Variants in PCDHGA1 observed in about 807,000 individuals in gnomAD.
PCDHGA1 encodes the protein protocadherin gamma subfamily A, 1, also known as protocadherin gamma-A1.
Under a neutral mutation model 58.0 loss-of-function variants are expected in PCDHGA1, and 32 were observed. The observed-to-expected ratio is 0.55, with a 90% CI of 0.42 to 0.74. The LOEUF is 0.74. PCDHGA1 is among the 30% of genes least tolerant of loss of function. The pLI, the probability that PCDHGA1 is intolerant of heterozygous loss-of-function variation, is 0.00. For synonymous variants in PCDHGA1, 498 were observed against 501.1 expected, an observed-to-expected ratio of 0.99 and a Z score of 0.08; for missense variants, 1,205 against 1,182.3, an observed-to-expected ratio of 1.02 and a Z score of -0.28.
At chr5:141,482,876 AGCCTG>A (rs2099574018) in intron 1 of PCDHGA1, among the ~76,000 whole-genome samples, 1 of 152,142 alleles carries the variant, frequency 6.6e-6, no homozygotes, top group Admixed American at 6.5e-5. Flanking sequence ...GTTTGAAACC[AGCCTG>A]GCCAACATGG....
intron 1 of PCDHGA1, chr5:141,366,009 C>T (rs750100968): frequency 6.2e-6 from 10 of 1,614,108 alleles, no homozygotes; most frequent in African/African-American, 2.7e-5. Flanking sequence ...GACAATACGC[C>T]TGAGATCCTG....
chr5:141,451,182 C>T (rs2154563496), intron 1 of PCDHGA1, among the ~76,000 whole-genome samples: 1 of 152,226 alleles, frequency 6.6e-6, no homozygotes, highest in Non-Finnish European at 1.5e-5. Flanking sequence ...TTAGCCATTG[C>T]TGTGTAACAA....
At chr5:141,366,024 C>A in intron 1 of PCDHGA1, 1 of 1,614,260 alleles carries the variant, frequency 6.2e-7, no homozygotes, top group Non-Finnish European at 8.5e-7. Context: ...ATCCTGTACC[C>A]CGCCCTCCCC....
Position 141,332,882 on chromosome 5 carries a change from CGAGCATGCCCGGT to C in PCDHGA1, c.2199_2211del (p.Ser734ArgfsTer31). 6.2e-7 allele frequency: 1 copy of C among 1,614,232 alleles called. No individual in the cohort carries two copies. The highest frequency in any genetic ancestry group is 8.5e-7 in the Non-Finnish European group (1 of 1,180,030). ...CTACAGGCTTCGGGAGGCGGCTTAG[CGAGCATGCCCGGT>C]TCGCACTTTGTGGGCGTGGACGGGG... is the stretch of plus-strand genomic sequence containing the variant. On this transcript the variant is annotated frameshift_variant, in exon 1 of 4. Transcript: ENST00000517417. LOFTEE classifies it high-confidence loss of function. This position sits in a 1 kb window ranked among gnomAD's most constrained non-coding sequence, Gnocchi z 4.6.
chr5:141,413,804 C>A, intron 1 of PCDHGA1: 7 of 1,613,194 alleles, frequency 4.3e-6, no homozygotes, highest in Non-Finnish European at 5.9e-6. Context: ...GAGGAAGAGG[C>A]CATTCACCAC....
At chr5:141,441,848 T>C (rs1034278597) in intron 1 of PCDHGA1, 2 of 356,906 alleles carry the variant, frequency 5.6e-6, no homozygotes, top group South Asian at 2.4e-5. Context: ...CTCTTGGATA[T>C]GGTGCTGCAC....
intron 1 of PCDHGA1, chr5:141,350,625 A>G: frequency 1.2e-6 from 2 of 1,614,072 alleles, no homozygotes; most frequent in African/African-American, 1.3e-5. Context: ...GTAATCCAAG[A>G]TATTAATGAC....
intron 1 of PCDHGA1, chr5:141,361,728 A>G (rs1318637710): frequency 5.0e-6 from 8 of 1,613,246 alleles, no homozygotes; most frequent in Non-Finnish European, 5.9e-6. Context: ...TCGAGCTCAC[A>G]CTGCAGGCCC....
At chr5:141,354,919 AAAT>A (rs1231499127) in intron 1 of PCDHGA1, 4 of 413,464 alleles carry the variant, frequency 9.7e-6, no homozygotes, top group Non-Finnish European at 1.7e-5. Context: ...AGTGTATAAA[AAAT>A]AAACTTTTTT....
Position 141,511,151 on chromosome 5 carries a change from C to T in PCDHGA1, c.2774C>T (p.Ser925Leu), listed in dbSNP as rs202071188. The T allele has an allele frequency of 3.0e-5, 49 of 1,614,152 alleles. No individual in the cohort carries two copies. The highest frequency in any genetic ancestry group is 2.6e-4 in the South Asian group (24 of 91,066). The change falls in exon 4 of 4, where the codon TCG becomes TTG. Residue 925 changes from serine (S) to leucine (L), a missense_variant. Ser to Leu is a moderately radical substitution (Grantham distance 145, BLOSUM62 -2). Coordinates refer to ENST00000517417, the MANE Select transcript of PCDHGA1 (RefSeq NM_018912.3). ...GGTGGCAATGGCAACAAGAAGAAGT[C>T]GGGCAAGAAGGAGAAGAAGTAACAT... ...PAGGNGNKKK[S>L]GKKEKK
At chr5:141,336,032 C>T in intron 1 of PCDHGA1, among the ~76,000 whole-genome samples, 1 of 151,832 alleles carries the variant, frequency 6.6e-6, no homozygotes. Context: ...ATTTAGCTTG[C>T]CATTCAAGAA....
chr5:141,344,399 A>T, intron 1 of PCDHGA1: 1 of 1,611,694 alleles, frequency 6.2e-7, no homozygotes, highest in Middle Eastern at 1.7e-4. Flanking sequence ...TAGAAATAGA[A>T]ATTAAAGATA....
At chr5:141,399,372 T>C (rs1333971188) in intron 1 of PCDHGA1, 8 of 1,613,970 alleles carry the variant, frequency 5.0e-6, no homozygotes, top group Non-Finnish European at 6.8e-6. Flanking sequence ...CGGAGTACAA[T>C]GTCACCATCA....
chr5:141,505,591 G>C (rs2099846959), intron 3 of PCDHGA1, 110 bp downstream of exon 3: 2 of 1,570,280 alleles, frequency 1.3e-6, no homozygotes, highest in African/African-American at 2.7e-5. Flanking sequence ...AGTTTCTCCA[G>C]ATCTTTCGGC....
intron 1 of PCDHGA1, among the ~76,000 whole-genome samples, chr5:141,453,176 C>A (rs1225418058): frequency 6.6e-6 from 1 of 152,042 alleles, no homozygotes; most frequent in African/African-American, 2.4e-5. Flanking sequence ...TCCAGTGGTA[C>A]AATCACAGCT....
chr5:141,372,242 G>C (rs965293763), intron 1 of PCDHGA1: 3 of 1,613,274 alleles, frequency 1.9e-6, no homozygotes, highest in Non-Finnish European at 2.5e-6. Context: ...AGCCCGGGCT[G>C]TTCAGCCTGG....
chr5:141,490,942 C>A lies in PCDHGA1; in HGVS notation c.2422-3865C>A, dbSNP rs371286343. On this transcript the variant is annotated intron_variant, in intron 1 of 3. Coordinates refer to ENST00000517417, the MANE Select transcript of PCDHGA1 (RefSeq NM_018912.3). This position sits in a 1 kb window ranked among gnomAD's most constrained non-coding sequence, Gnocchi z 5.4. ...TAATGCCCCAGCTGTGCTGCACCCA[C>A]GGCCAGACTGGGAACACTCAGCCCC... The A allele has an allele frequency of 3.0e-5, 49 of 1,613,526 alleles. No individual in the cohort carries two copies. The highest frequency in any genetic ancestry group is 4.1e-5 in the Non-Finnish European group (48 of 1,179,768).
intron 1 of PCDHGA1, chr5:141,375,207 AC>A (rs775034160): frequency 9.3e-6 from 15 of 1,613,778 alleles, no homozygotes; most frequent in Non-Finnish European, 1.2e-5. Context: ...TTCGATCGAG[AC>A]TCTGGCCTGA....
Position 141,356,972 on chromosome 5 carries a change from T to C in PCDHGA1, c.2421+23867T>C, listed in dbSNP as rs1169153458. 1.2e-6 allele frequency: 2 copies of C among 1,614,222 alleles called. No homozygotes were observed. Among genetic ancestry groups the C allele is most frequent in the Non-Finnish European group, 1.7e-6 (2 of 1,180,044 alleles). On this transcript the variant is annotated intron_variant, in intron 1 of 3. Coordinates refer to ENST00000517417, the MANE Select transcript of PCDHGA1 (RefSeq NM_018912.3). ...GATTCCGGCTACCTGGTGACCAAAGTGGTGGCAGTGGACAGAGACTCAGGT... is the reference window on the plus strand; with the variant it reads ...GATTCCGGCTACCTGGTGACCAAAGCGGTGGCAGTGGACAGAGACTCAGGT...
Sources: gnomAD v4.1 joint callset for allele counts (sites outside exome capture counted in the v4.1 genomes callset) on GRCh38, gnomAD v4.1.1 for gene constraint, Gnocchi (gnomAD v3.1) non-coding constraint, MANE v1.5 for transcripts, NCBI Gene and HGNC (gene_info 2026-07-23, HGNC 2026-07-21) for gene names.